The following FADS2 variants were observed in gnomAD, a reference collection of about 807,000 sequenced individuals.
FADS2 encodes acyl-CoA 6-desaturase.
A neutral mutation model predicts 61.2 loss-of-function variants in FADS2; 18 were observed. The observed-to-expected ratio is 0.29, with a 90% confidence interval of 0.20 to 0.44. The LOEUF (loss-of-function observed/expected upper bound fraction) is 0.44, where lower values mean the gene tolerates loss of function less well. FADS2 is among the 20% of genes least tolerant of loss of function. FADS2 has a pLI of 1.00. For missense variants in FADS2, 322 were observed against 572.7 expected (o/e 0.56, Z 4.47); for synonymous variants, 203 against 223.9 (o/e 0.91, Z 0.83).
chr11:61,821,506 TAAACATA>T, intron 1 of FADS2: 2 of 691,312 alleles, frequency 2.9e-6, no homozygotes, highest in South Asian at 3.0e-5. Flanking sequence ...CAAAAGATCC[TAAACATA>T]ATAGTTGGCC....
chr11:61,817,377 C>T (rs1161300621), intron 1 of FADS2, among the ~76,000 whole-genome samples: 1 of 152,158 alleles, frequency 6.6e-6, no homozygotes, highest in African/African-American at 2.4e-5. Context: ...AAGTAGCAGC[C>T]TGAGAGCCCT....
chr11:61,825,020 A>C (rs1384463114), upstream of FADS2, among the ~76,000 whole-genome samples: 2 of 151,108 alleles, frequency 1.3e-5, no homozygotes, highest in Non-Finnish European at 3.0e-5. Context: ...GTGAAACCCC[A>C]TCTCTACTAA....
upstream of FADS2, among the ~76,000 whole-genome samples, chr11:61,825,161 A>AC (rs2067073131): frequency 6.6e-6 from 1 of 152,138 alleles, no homozygotes; most frequent in South Asian, 2.1e-4. Flanking sequence ...TTAATTTTTC[A>AC]CCCCTGTACT....
intron 1 of FADS2, among the ~76,000 whole-genome samples, chr11:61,822,593 G>A (rs930255788): frequency 6.6e-6 from 1 of 152,314 alleles, no homozygotes; most frequent in South Asian, 2.1e-4. Flanking sequence ...GGAGGCCTGG[G>A]TAGGTAGGTC....
chr11:61,858,125 ATC>A (rs1203710937), intron 7 of FADS2, among the ~76,000 whole-genome samples: 1 of 152,034 alleles, frequency 6.6e-6, no homozygotes, highest in East Asian at 1.9e-4. Flanking sequence ...TCGGTACATC[ATC>A]TCTCTGCATA....
intron 2 of FADS2, among the ~76,000 whole-genome samples, chr11:61,838,435 C>T (rs781065637): frequency 4.6e-5 from 7 of 152,094 alleles, no homozygotes; most frequent in Non-Finnish European, 8.8e-5. Context: ...AAAGTTGGGA[C>T]AGGAGGCAGG....
chr11:61,850,129 C>T (rs1206607894), intron 5 of FADS2, among the ~76,000 whole-genome samples: 2 of 152,220 alleles, frequency 1.3e-5, no homozygotes, highest in Non-Finnish European at 2.9e-5. Flanking sequence ...TTCATGTAGA[C>T]AGGTCTCGTC....
At chr11:61,858,126 T>G (rs1353645512) in intron 7 of FADS2, among the ~76,000 whole-genome samples, 1 of 152,170 alleles carries the variant, frequency 6.6e-6, no homozygotes, top group African/African-American at 2.4e-5. Context: ...CGGTACATCA[T>G]CTCTCTGCAT....
rs570022122 is a variant in FADS2 at position 61,865,897 on chromosome 11, A to G, written c.*208A>G. Reference sequence around the variant, plus strand: ...GCCCTCATGGGACCTGCCCTCCCTCAGCCGTCAGCCATCAGCCATGGCCCT... The same window carrying G: ...GCCCTCATGGGACCTGCCCTCCCTCGGCCGTCAGCCATCAGCCATGGCCCT... On this transcript the variant is annotated 3_prime_UTR_variant, in exon 12 of 12. Transcript: ENST00000278840. The surrounding 1 kb of genome is among the most constrained non-coding windows in gnomAD (Gnocchi z 4.1). 7 of 572,634 alleles carry G rather than the reference A, an allele frequency of 1.2e-5. No individual in the cohort carries two copies. Among genetic ancestry groups the G allele is most frequent in the African/African-American group, 1.1e-4 (6 of 53,622 alleles). 35.5% of individuals were successfully genotyped at this position (572,634 alleles called of 1,614,324 possible). A position where few individuals can be genotyped will look rare whatever the true frequency, so the allele number is the denominator to read the frequency against.
chr11:61,824,441 AGGGAGGGAGGGAGG>A (rs1565325202), upstream of FADS2, among the ~76,000 whole-genome samples: 3 of 3,548 alleles, frequency 8.5e-4, no homozygotes, highest in East Asian at 0.022. Context: ...AGAGGGAGGG[AGGGAGGGAGGGAGG>A]GAGGGAGAGA....
rs774524909 is a variant in FADS2, at chr11:61,863,382, G to A, written c.1077+4G>A. On this transcript the variant is annotated splice_donor_region_variant and intron_variant, in intron 9 of 11. Transcript: ENST00000278840. ...CCGTGACTGGTTCAGTAGCCAGGTA[G>A]GGAAGTCAGGGCCGGTCACCAGAGC... The A allele has an allele frequency of 3.1e-6, 5 of 1,602,580 alleles. No individual in the cohort carries two copies. The highest frequency in any genetic ancestry group is 3.4e-6 in the Non-Finnish European group (4 of 1,169,598).
At chr11:61,842,545 G>A (rs550443359) in intron 4 of FADS2, among the ~76,000 whole-genome samples, 8 of 152,342 alleles carry the variant, frequency 5.3e-5, no homozygotes, top group Admixed American at 1.3e-4. Context: ...CCCAGAGCAC[G>A]GCTGTTGCGT....
intron 1 of FADS2, among the ~76,000 whole-genome samples, chr11:61,820,174 C>T (rs2067026799): frequency 6.6e-6 from 1 of 152,052 alleles, no homozygotes; most frequent in South Asian, 2.1e-4. Flanking sequence ...ACCCATACCA[C>T]TTGTAAGATA....
intron 1 of FADS2, among the ~76,000 whole-genome samples, chr11:61,833,212 C>T (rs1162537776): frequency 6.6e-6 from 1 of 152,178 alleles, no homozygotes; most frequent in Non-Finnish European, 1.5e-5. Flanking sequence ...CTTTCTCTTC[C>T]CCATGTCCCG....
intron 5 of FADS2, chr11:61,855,267 T>A (rs1357980565): frequency 2.0e-5 from 3 of 152,342 alleles, no homozygotes; most frequent in Non-Finnish European, 4.4e-5. Flanking sequence ...GGAGGAGCTC[T>A]TGAGCAGAGC....
chr11:61,819,399 G>A (rs1034385767), intron 1 of FADS2, among the ~76,000 whole-genome samples: 22 of 151,928 alleles, frequency 1.4e-4, no homozygotes, highest in Admixed American at 2.6e-4. Flanking sequence ...AAAAGAAATC[G>A]GCTGGGCGTG....
intron 1 of FADS2, among the ~76,000 whole-genome samples, chr11:61,830,520 C>A (rs1374368853): frequency 6.6e-6 from 1 of 152,222 alleles, no homozygotes; most frequent in African/African-American, 2.4e-5. Context: ...TCTTCCCTGA[C>A]CTTTTCTCTG....
chr11:61,825,924 G>GCAGTGT (rs2067081295), upstream of FADS2: 2 of 610,786 alleles, frequency 3.3e-6, no homozygotes, highest in African/African-American at 3.7e-5. Flanking sequence ...GAGGCACATG[G>GCAGTGT]CAGTGTCCAG....
intron 1 of FADS2, among the ~76,000 whole-genome samples, chr11:61,832,549 C>T (rs2067138714): frequency 6.6e-6 from 1 of 152,210 alleles, no homozygotes; most frequent in South Asian, 2.1e-4. Context: ...GCCTTTCTGC[C>T]CTCAGGGTAG....
Sources: gnomAD v4.1 joint callset for allele counts (sites outside exome capture counted in the v4.1 genomes callset) on GRCh38, gnomAD v4.1.1 for gene constraint, Gnocchi (gnomAD v3.1) non-coding constraint, MANE v1.5 for transcripts, NCBI Gene and HGNC (gene_info 2026-07-23, HGNC 2026-07-21) for gene names.